Variants in NDST4 observed in about 807,000 individuals in gnomAD.
NDST4 encodes N-heparan sulfate sulfotransferase 4.
NDST4 carries 63 observed loss-of-function variants against 100.8 expected under a neutral mutation model. That is an observed-to-expected ratio of 0.62 (90% CI 0.51 to 0.77). The LOEUF is 0.77. Among genes scored for constraint, NDST4 ranks in the 30% least tolerant of loss-of-function variants. The pLI is 0.00. For missense variants in NDST4, 943 were observed against 1,018.4 expected, an observed-to-expected ratio of 0.93 and a Z score of 1.01; for synonymous variants, 377 against 361.8, an observed-to-expected ratio of 1.04 and a Z score of -0.48.
At chr4:114,961,485 T>C (rs989711103) in intron 4 of NDST4, among the ~76,000 whole-genome samples, 1 of 151,986 alleles carries the variant, frequency 6.6e-6, no homozygotes, top group Non-Finnish European at 1.5e-5. Context: ...CACAAACTGG[T>C]AAAATCAATA....
At chr4:114,912,928 G>A (rs1036554443) in intron 6 of NDST4, among the ~76,000 whole-genome samples, 5 of 151,870 alleles carry the variant, frequency 3.3e-5, no homozygotes, top group Non-Finnish European at 7.4e-5. Flanking sequence ...TATGAATCAG[G>A]CTGTAAAATA....
intron 2 of NDST4, among the ~76,000 whole-genome samples, chr4:115,039,916 T>G (rs937315123): frequency 2.6e-5 from 4 of 152,106 alleles, no homozygotes; most frequent in African/African-American, 9.7e-5. Context: ...CATTATCTCA[T>G]GATAACCCCA....
At chr4:115,104,877 T>TCA (rs1481394267) in intron 1 of NDST4, among the ~76,000 whole-genome samples, 1 of 152,144 alleles carries the variant, frequency 6.6e-6, no homozygotes, top group African/African-American at 2.4e-5. Flanking sequence ...CAGGCCAAAG[T>TCA]CAGAGTACTG....
At chr4:115,020,445 T>C (rs1485765760) in intron 2 of NDST4, among the ~76,000 whole-genome samples, 1 of 152,120 alleles carries the variant, frequency 6.6e-6, no homozygotes, top group African/African-American at 2.4e-5. Flanking sequence ...AGAGGCTGCA[T>C]GGCTACTTTA....
At chr4:115,032,682 A>T (rs1021604810) in intron 2 of NDST4, among the ~76,000 whole-genome samples, 3 of 152,144 alleles carry the variant, frequency 2.0e-5, no homozygotes, top group African/African-American at 7.2e-5. Context: ...TGTATTACAT[A>T]TTATCTATCA....
At chr4:115,097,652 A>T (rs964367407) in intron 1 of NDST4, among the ~76,000 whole-genome samples, 1 of 151,924 alleles carries the variant, frequency 6.6e-6, no homozygotes, top group Admixed American at 6.6e-5. Context: ...GCTCCACATC[A>T]TTTTTTTCCC....
chr4:114,890,023 C>T (rs778446784), intron 6 of NDST4, among the ~76,000 whole-genome samples: 2 of 152,128 alleles, frequency 1.3e-5, no homozygotes, highest in African/African-American at 2.4e-5. Context: ...CTTTGGAAAC[C>T]CCAATGCTTT....
chr4:115,070,982 G>C (rs1469823310), intron 2 of NDST4, among the ~76,000 whole-genome samples: 1 of 151,940 alleles, frequency 6.6e-6, no homozygotes, highest in Non-Finnish European at 1.5e-5. Context: ...GTGTGCACCT[G>C]TAGTCCCAGC....
intron 2 of NDST4, among the ~76,000 whole-genome samples, chr4:115,012,323 G>C (rs904205757): frequency 1.3e-4 from 19 of 151,912 alleles, no homozygotes; most frequent in African/African-American, 2.4e-4. Flanking sequence ...TTTATAAAAG[G>C]CTGGGTTATC....
At chr4:115,006,467 G>A (rs1235748447) in intron 2 of NDST4, among the ~76,000 whole-genome samples, 1 of 152,024 alleles carries the variant, frequency 6.6e-6, no homozygotes, top group Non-Finnish European at 1.5e-5. Context: ...AAATATGAAA[G>A]CTATCAACAT....
chr4:115,081,179 A>G (rs978911020), intron 1 of NDST4, among the ~76,000 whole-genome samples: 3 of 152,152 alleles, frequency 2.0e-5, no homozygotes, highest in African/African-American at 7.2e-5. Context: ...TTTAACAGTA[A>G]TATGTTCAGA....
At chr4:114,997,653 G>A (rs1342647725) in intron 2 of NDST4, among the ~76,000 whole-genome samples, 1 of 152,042 alleles carries the variant, frequency 6.6e-6, no homozygotes, top group Admixed American at 6.6e-5. Flanking sequence ...AAGGCTTAGA[G>A]GGAAGGAACT....
chr4:114,881,787 C>G (rs367913370), intron 6 of NDST4, among the ~76,000 whole-genome samples: 1 of 152,064 alleles, frequency 6.6e-6, no homozygotes, highest in East Asian at 1.9e-4. Flanking sequence ...CGTGTTTTCT[C>G]TAAATTAGTA....
chr4:114,951,294 T>G (rs900556250), intron 4 of NDST4, among the ~76,000 whole-genome samples: 3 of 152,110 alleles, frequency 2.0e-5, no homozygotes, highest in African/African-American at 7.2e-5. Flanking sequence ...AATATTAGTT[T>G]TTTCATTATT....
intron 2 of NDST4, among the ~76,000 whole-genome samples, chr4:114,983,785 C>T (rs1304884066): frequency 6.6e-6 from 1 of 152,116 alleles, no homozygotes; most frequent in Non-Finnish European, 1.5e-5. Flanking sequence ...TCTGTGTCCC[C>T]ACCCAAATCT....
chr4:114,858,539 C>A (rs111602669), intron 7 of NDST4, among the ~76,000 whole-genome samples: 166 of 152,286 alleles, frequency 1.1e-3, no homozygotes, highest in African/African-American at 3.9e-3. Context: ...GTTGAGGTAC[C>A]AGCTTGAAGA....
intron 4 of NDST4, among the ~76,000 whole-genome samples, chr4:114,951,480 A>G (rs1490782186): frequency 2.0e-5 from 3 of 152,092 alleles, no homozygotes; most frequent in Admixed American, 1.3e-4. Flanking sequence ...ATGCTTCTTG[A>G]AGAAATATGG....
rs368502384 is a variant in NDST4, at chr4:115,020,765, C to G, written c.979-43491G>C. On this transcript the variant is annotated intron_variant, in intron 2 of 13. Coordinates refer to ENST00000264363, the MANE Select transcript of NDST4 (RefSeq NM_022569.3). ...AAAGTGGACTAAGGACATGAATAGA[C>G]AGTTCCCAAAAGAAGATATACAAAT... 4.1e-4 allele frequency among the ~76,000 whole-genome samples: 63 copies of G among 152,112 alleles called. No individual in the cohort carries two copies. The East Asian group carries it at 4.5e-3, about 11-fold the overall frequency.
At chr4:114,874,975 T>C (rs1364244122) in intron 6 of NDST4, among the ~76,000 whole-genome samples, 1 of 152,184 alleles carries the variant, frequency 6.6e-6, no homozygotes, top group Admixed American at 6.6e-5. Flanking sequence ...AAATGGTTTA[T>C]ATATACAACC....
Sources: gnomAD v4.1 joint callset for allele counts (sites outside exome capture counted in the v4.1 genomes callset) on GRCh38, gnomAD v4.1.1 for gene constraint, MANE v1.5 for transcripts, NCBI Gene and HGNC (gene_info 2026-07-23, HGNC 2026-07-21) for gene names.